Variants in FGF14 observed in about 807,000 individuals in gnomAD.
FGF14 encodes the protein fibroblast growth factor 14.
In FGF14, 5 loss-of-function variants were observed where a neutral mutation model predicts 25.5. The observed-to-expected ratio is 0.20, with a 90% CI of 0.10 to 0.41. The LOEUF (loss-of-function observed/expected upper bound fraction) is 0.41, where lower values mean the gene tolerates loss of function less well. Ranked by LOEUF, FGF14 falls within the 10% of genes least tolerant of loss-of-function variation. FGF14 has a pLI of 1.00. For missense variants in FGF14, 222 were observed against 320.1 expected, an observed-to-expected ratio of 0.69 and a Z score of 2.34; for synonymous variants, 138 against 118.3, an observed-to-expected ratio of 1.17 and a Z score of -1.08.
In FGF14 at chr13:102,161,570, AAAGAAAGAAGAAGAAGAAGAAGAAG is replaced by A. The variant is rs2047653340; in HGVS notation, c.208+239876_208+239900del. ...TCTATGCAACCAACTTTCTGTGAAG[AAAGAAAGAAGAAGAAGAAGAAGAAG>A]AAGAAGAAGAAGAAGAAGAAGAAGA... On this transcript the variant is annotated intron_variant, in intron 1 of 4. Coordinates refer to the FGF14 transcript ENST00000376131. Among the ~76,000 whole-genome samples the A allele has an allele frequency of 6.2e-3, 35 of 5,652 alleles. 4 individuals carry two copies. Among genetic ancestry groups the A allele is most frequent in the Admixed American group, 7.8e-3 (2 of 256 alleles). The allele number at this position is 5,652 out of a possible 152,430, so 3.7% of individuals were successfully genotyped here.
At chr13:102,242,105 T>C (rs188018683) in intron 1 of FGF14, among the ~76,000 whole-genome samples, 1 of 152,148 alleles carries the variant, frequency 6.6e-6, no homozygotes, top group East Asian at 1.9e-4. Context: ...AGTAACCTAG[T>C]TTGGGAGGCT....
At chr13:101,763,863 A>AAAACAAACAAACAAAC (rs555541607) in intron 3 of FGF14, among the ~76,000 whole-genome samples, 21 of 152,106 alleles carry the variant, frequency 1.4e-4, no homozygotes, top group African/African-American at 5.1e-4. Flanking sequence ...TCTGTCTCAA[A>AAAACAAACAAACAAAC]AAACAAACAA....
At chr13:101,807,124 T>G (rs1361725364) in intron 3 of FGF14, among the ~76,000 whole-genome samples, 2 of 152,156 alleles carry the variant, frequency 1.3e-5, no homozygotes, top group African/African-American at 4.8e-5. Context: ...GACTATAACC[T>G]TATTCTTTTA....
chr13:102,045,375 C>T (rs1218712250), intron 1 of FGF14, among the ~76,000 whole-genome samples: 1 of 151,980 alleles, frequency 6.6e-6, no homozygotes, highest in Non-Finnish European at 1.5e-5. Context: ...ATCTCTTTCA[C>T]GAATATTAGG....
intron 1 of FGF14, among the ~76,000 whole-genome samples, chr13:102,090,296 T>C (rs2044108541): frequency 6.6e-6 from 1 of 152,182 alleles, no homozygotes; most frequent in African/African-American, 2.4e-5. Context: ...CTTGCAAAAA[T>C]AATCTCCTAA....
chr13:102,315,500 C>T (rs183193572), intron 1 of FGF14, among the ~76,000 whole-genome samples: 1 of 152,160 alleles, frequency 6.6e-6, no homozygotes, highest in Admixed American at 6.6e-5. Context: ...GCATTATGAA[C>T]CATTTGTGTT....
intron 1 of FGF14, among the ~76,000 whole-genome samples, chr13:101,965,858 A>G (rs1271123050): frequency 1.3e-5 from 2 of 152,212 alleles, no homozygotes; most frequent in African/African-American, 4.8e-5. Context: ...CATTTAACAC[A>G]GTCCAGTCCA....
chr13:102,255,938 T>C (rs1053190716), intron 1 of FGF14, among the ~76,000 whole-genome samples: 3 of 152,152 alleles, frequency 2.0e-5, no homozygotes, highest in African/African-American at 7.2e-5. Flanking sequence ...AAGGCATGCT[T>C]GATGGTGGGA....
chr13:102,258,796 A>G (rs2052574316), intron 1 of FGF14, among the ~76,000 whole-genome samples: 1 of 152,128 alleles, frequency 6.6e-6, no homozygotes, highest in Non-Finnish European at 1.5e-5. Flanking sequence ...ACAATAATGT[A>G]AAAAAATGTC....
chr13:101,746,879 T>C (rs1339968086), intron 3 of FGF14, among the ~76,000 whole-genome samples: 1 of 152,054 alleles, frequency 6.6e-6, no homozygotes, highest in Non-Finnish European at 1.5e-5. Context: ...GAAACTTAAT[T>C]GTATTCATTT....
intron 1 of FGF14, among the ~76,000 whole-genome samples, chr13:102,111,655 G>C (rs2045231236): frequency 6.6e-6 from 1 of 151,774 alleles, no homozygotes; most frequent in Non-Finnish European, 1.5e-5. Context: ...GGTGGAGGCT[G>C]CAGTGAGCCA....
At chr13:102,020,155 G>A (rs956263238) in intron 1 of FGF14, among the ~76,000 whole-genome samples, 14 of 152,088 alleles carry the variant, frequency 9.2e-5, no homozygotes, top group Admixed American at 7.9e-4. Flanking sequence ...GAGGGAGTGT[G>A]GAGGAAATGG....
intron 1 of FGF14, among the ~76,000 whole-genome samples, chr13:102,067,691 G>T (rs2042960304): frequency 1.3e-5 from 2 of 150,640 alleles, no homozygotes; most frequent in African/African-American, 4.9e-5. Context: ...GTACTTACTG[G>T]CCTTAAAGAG....
At chr13:102,214,094 G>T (rs1303153625) in intron 1 of FGF14, among the ~76,000 whole-genome samples, 1 of 152,146 alleles carries the variant, frequency 6.6e-6, no homozygotes, top group Non-Finnish European at 1.5e-5. Flanking sequence ...ACATTATTTG[G>T]CCTTAGCCTA....
At chr13:102,399,825 C>T (rs1171193758) in intron 1 of FGF14, among the ~76,000 whole-genome samples, 1 of 151,966 alleles carries the variant, frequency 6.6e-6, no homozygotes, top group Admixed American at 6.6e-5. Context: ...GGGAGGAGGA[C>T]TCAGGGCAGA....
intron 1 of FGF14, among the ~76,000 whole-genome samples, chr13:102,136,891 A>T (rs1052356619): frequency 6.6e-6 from 1 of 152,174 alleles, no homozygotes; most frequent in Non-Finnish European, 1.5e-5. Context: ...TCTCTCCCAT[A>T]CTTGGCTAAT....
chr13:102,044,360 TA>T (rs35773516), intron 1 of FGF14, among the ~76,000 whole-genome samples: 18,642 of 146,912 alleles, frequency 0.13, 1,765 homozygotes, highest in East Asian at 0.28. Context: ...ATTGCAATGA[TA>T]AAAAAAAAAA....
At chr13:102,043,233 C>T (rs917803824) in intron 1 of FGF14, among the ~76,000 whole-genome samples, 3 of 152,146 alleles carry the variant, frequency 2.0e-5, no homozygotes, top group Admixed American at 1.3e-4. Context: ...ATAACACAAT[C>T]CGGATAAGCA....
chr13:101,895,293 G>C (rs1000215436), intron 1 of FGF14, among the ~76,000 whole-genome samples: 1 of 152,108 alleles, frequency 6.6e-6, no homozygotes. Context: ...AACAGTTTCT[G>C]AAGTTTGATA....
Sources: allele counts gnomAD v4.1 joint callset (sites outside exome capture counted in the v4.1 genomes callset), GRCh38; gene constraint gnomAD v4.1.1; transcripts MANE v1.5; gene names NCBI Gene and HGNC (gene_info 2026-07-23, HGNC 2026-07-21).